Variants in RUNX2 observed in about 807,000 individuals in gnomAD.
The protein encoded by RUNX2 is RUNX family transcription factor 2, also known as runt-related transcription factor 2.
A neutral mutation model predicts 51.7 loss-of-function variants in RUNX2; 10 were observed. The ratio of observed to expected loss-of-function variants is 0.19; its 90% CI spans 0.12 to 0.33. RUNX2 has a LOEUF of 0.33. RUNX2 is among the 10% of genes least tolerant of loss of function. The pLI is 1.00. For synonymous variants in RUNX2, 276 were observed against 273.6 expected, an observed-to-expected ratio of 1.01 and a Z score of -0.09; for missense variants, 562 against 691.3, an observed-to-expected ratio of 0.81 and a Z score of 2.10.
intron 2 of RUNX2, among the ~76,000 whole-genome samples, chr6:45,374,862 G>T (rs1363911366): frequency 1.3e-5 from 2 of 152,112 alleles, no homozygotes; most frequent in African/African-American, 2.4e-5. Context: ...CTTATTCCAG[G>T]TATCTTATTT....
chr6:45,382,648 C>T (rs1479985185), intron 2 of RUNX2, among the ~76,000 whole-genome samples: 1 of 152,198 alleles, frequency 6.6e-6, no homozygotes, highest in African/African-American at 2.4e-5. Flanking sequence ...GAAAGAAAAT[C>T]ATGTGATATG....
rs76783234 is a variant in RUNX2 at position 45,429,292 on chromosome 6, T to G, written c.424-2571T>G. Among the ~76,000 whole-genome samples, 11 of 152,340 alleles carry G rather than the reference T, an allele frequency of 7.2e-5. No homozygotes were observed. The East Asian group carries it at 2.1e-3, about 29-fold the overall frequency. Reference sequence around the variant, plus strand: ...ATTAATATGCTTACTGGGTCCATATTTACTTTGACATAGAAAGCCACGCAG... The same window carrying G: ...ATTAATATGCTTACTGGGTCCATATGTACTTTGACATAGAAAGCCACGCAG... On this transcript the variant is annotated intron_variant, in intron 3 of 8. Coordinates refer to ENST00000647337, the MANE Select transcript of RUNX2 (RefSeq NM_001024630.4).
intron 2 of RUNX2, among the ~76,000 whole-genome samples, chr6:45,397,557 A>G (rs1797610522): frequency 6.6e-6 from 1 of 152,176 alleles, no homozygotes; most frequent in African/African-American, 2.4e-5. Flanking sequence ...GATTATAGCC[A>G]TCCCAGTGGG....
intron 5 of RUNX2, among the ~76,000 whole-genome samples, chr6:45,466,352 T>C (rs944011342): frequency 1.3e-5 from 2 of 152,050 alleles, no homozygotes; most frequent in Non-Finnish European, 2.9e-5. Flanking sequence ...ACTAATATTA[T>C]AAAGTATTTA....
intron 3 of RUNX2, among the ~76,000 whole-genome samples, chr6:45,425,231 G>C (rs1014201225): frequency 1.3e-5 from 2 of 152,192 alleles, no homozygotes; most frequent in South Asian, 2.1e-4. Context: ...ATCTTGAACT[G>C]TTCTCTTGCA....
At chr6:45,404,259 C>CAAAAAAAAAAAAAA (rs34529128) in intron 2 of RUNX2, among the ~76,000 whole-genome samples, 5 of 27,668 alleles carry the variant, frequency 1.8e-4, no homozygotes, top group East Asian at 1.3e-3. Context: ...GACTCTGTCT[C>CAAAAAAAAAAAAAA]AAAAAAAAAA....
chr6:45,508,994 C>A (rs907669891), intron 6 of RUNX2, among the ~76,000 whole-genome samples: 1 of 152,026 alleles, frequency 6.6e-6, no homozygotes, highest in Non-Finnish European at 1.5e-5. Flanking sequence ...ATGAGACAAA[C>A]CCAGCTACCC....
intron 7 of RUNX2, among the ~76,000 whole-genome samples, chr6:45,521,594 T>C (rs1801510117): frequency 6.6e-6 from 1 of 152,246 alleles, no homozygotes; most frequent in African/African-American, 2.4e-5. Context: ...TTAACTAATC[T>C]GTAAACTGAA....
rs189846967 is a variant in RUNX2, at chr6:45,550,296, T to C, written c.*2991T>C. 3.6e-4 allele frequency: 55 copies of C among 152,432 alleles called. No homozygotes were observed. Among genetic ancestry groups the C allele is most frequent in the African/African-American group, 1.3e-3 (54 of 41,584 alleles). The allele number at this position is 152,432 out of a possible 1,614,324, so 9.4% of individuals were successfully genotyped here. On this transcript the variant is annotated 3_prime_UTR_variant, in exon 9 of 9. Transcript: ENST00000647337. ...AGTGGAATAACATTCAGCCCAGAAC[T>C]GAGAAACTCAACAGATTAACTATCG...
chr6:45,462,229 A>G (rs1002339425), intron 5 of RUNX2, among the ~76,000 whole-genome samples: 9 of 152,210 alleles, frequency 5.9e-5, no homozygotes, highest in Non-Finnish European at 1.0e-4. Flanking sequence ...TAAGCAACCC[A>G]TGTTTCTACT....
chr6:45,379,627 G>A (rs974910928), intron 2 of RUNX2, among the ~76,000 whole-genome samples: 2 of 152,124 alleles, frequency 1.3e-5, no homozygotes, highest in African/African-American at 4.8e-5. Flanking sequence ...AGCACTTTGG[G>A]AGGCCGAGAC....
intron 2 of RUNX2, among the ~76,000 whole-genome samples, chr6:45,389,744 C>T (rs572940960): frequency 5.3e-5 from 8 of 152,258 alleles, no homozygotes; most frequent in African/African-American, 1.9e-4. Flanking sequence ...GGCATGGTGG[C>T]TCATGCCTGT....
At position 45,533,548 on chromosome 6, in the gene RUNX2, A is replaced by C. The variant is rs75874570; in HGVS notation, c.1022-11669A>C. Reference sequence around the variant, plus strand: ...TTTTTCTTGCAGAAGTTTTGAGTTAATTCTGTGTGCAGGGCTTGAGTGGAA... The same window carrying C: ...TTTTTCTTGCAGAAGTTTTGAGTTACTTCTGTGTGCAGGGCTTGAGTGGAA... On this transcript the variant is annotated intron_variant, in intron 7 of 8. Coordinates refer to ENST00000647337, the MANE Select transcript of RUNX2 (RefSeq NM_001024630.4). 7.7e-3 allele frequency among the ~76,000 whole-genome samples: 1,178 copies of C among 152,352 alleles called. 10 individuals are homozygous for C. The highest frequency in any genetic ancestry group is 0.02 in the Middle Eastern group (6 of 294).
In RUNX2 at chr6:45,328,470, C is replaced by G. The variant is rs1341406248; in HGVS notation, c.-67+10C>G. The G allele has an allele frequency of 6.7e-7, 1 of 1,482,666 alleles. No homozygotes were observed. The highest frequency in any genetic ancestry group is 1.4e-5 in the African/African-American group (1 of 71,610). The allele number at this position is 1,482,666 out of a possible 1,614,324, so 91.8% of individuals were successfully genotyped here. A position where few individuals can be genotyped will look rare whatever the true frequency, so the allele number is the denominator to read the frequency against. On this transcript the variant is annotated intron_variant, in intron 1 of 8. Transcript: ENST00000647337. ...GAGACCAACAGAGTCAGTGAGTGCT[C>G]TCTAACCACAGTCTATGCAGTAATA...
Position 45,344,323 on chromosome 6 carries a change from T to C in RUNX2, c.58+15539T>C, listed in dbSNP as rs146684371. ...ATTTATACTTGGCCTAAACTTCCCCTTGTCTGTATACTTATTTTTGCTCTC... is the reference window on the plus strand; with the variant it reads ...ATTTATACTTGGCCTAAACTTCCCCCTGTCTGTATACTTATTTTTGCTCTC... On this transcript the variant is annotated intron_variant, in intron 2 of 8. Coordinates refer to ENST00000647337, the MANE Select transcript of RUNX2 (RefSeq NM_001024630.4). Among the ~76,000 whole-genome samples the C allele has an allele frequency of 2.2e-4, 33 of 152,302 alleles. 1 individual carries two copies. The highest frequency in any genetic ancestry group is 7.5e-4 in the African/African-American group (31 of 41,582).
chr6:45,396,310 T>G (rs1227932244), intron 2 of RUNX2, among the ~76,000 whole-genome samples: 1 of 152,216 alleles, frequency 6.6e-6, no homozygotes, highest in Non-Finnish European at 1.5e-5. Context: ...GTTGTATAAT[T>G]CAATGGCTTT....
chr6:45,465,770 G>A (rs1799611803), intron 5 of RUNX2, among the ~76,000 whole-genome samples: 1 of 151,096 alleles, frequency 6.6e-6, no homozygotes, highest in Non-Finnish European at 1.5e-5. Flanking sequence ...TGAGTAGCTG[G>A]GACTACAGGC....
intron 5 of RUNX2, among the ~76,000 whole-genome samples, chr6:45,474,609 G>A (rs1799902963): frequency 6.6e-6 from 1 of 151,982 alleles, no homozygotes; most frequent in Admixed American, 6.6e-5. Context: ...GGTAATGCTG[G>A]GGAGTTGAAA....
intron 2 of RUNX2, chr6:45,422,031 CCGCCGCGGAGGCGG>C (rs1798209293): frequency 2.0e-5 from 3 of 148,200 alleles, no homozygotes; most frequent in Admixed American, 2.0e-4. Flanking sequence ...GGAGCGGCGG[CCGCCGCGGAGGCGG>C]CGGCGCGGGA....
Sources: gnomAD v4.1 joint callset for allele counts (sites outside exome capture counted in the v4.1 genomes callset) on GRCh38, gnomAD v4.1.1 for gene constraint, MANE v1.5 for transcripts, NCBI Gene and HGNC (gene_info 2026-07-23, HGNC 2026-07-21) for gene names.